NSMF: variants seen among roughly 807,000 people sequenced by gnomAD.
NSMF encodes the protein nasal embryonic LHRH factor.
In NSMF, 31 loss-of-function variants were observed where a neutral mutation model predicts 71.0. That is an observed-to-expected ratio of 0.44 (90% confidence interval 0.33 to 0.59). NSMF has a LOEUF of 0.59. Ranked by LOEUF, NSMF falls within the 20% of genes least tolerant of loss-of-function variation. The probability of loss-of-function intolerance (pLI) is 0.04; values close to 1 mark genes in which losing one functional copy is unlikely to be tolerated. For missense variants in NSMF, 673 were observed against 740.5 expected (o/e 0.91, Z 1.06); for synonymous variants, 345 against 287.1 (o/e 1.20, Z -2.04).
chr9:137,458,451 G>C (rs1463532396), intron 2 of NSMF, 37 bp downstream of exon 2: 1 of 1,537,248 alleles, frequency 6.5e-7, no homozygotes, highest in Non-Finnish European at 8.8e-7. Context: ...GGGCTGGGGG[G>C]TCTGGGCGGC....
intron 3 of NSMF, among the ~76,000 whole-genome samples, chr9:137,457,164 G>A (rs560669684): frequency 6.6e-6 from 1 of 152,294 alleles, no homozygotes; most frequent in Admixed American, 6.5e-5. Flanking sequence ...GATTGACCTG[G>A]TGCTAGCAGG....
Position 137,452,584 on chromosome 9 carries a change from G to A in NSMF, c.1134C>T (p.Asp378=), listed in dbSNP as rs1308658893. ...TGTCCTCGAAGGTTGCGTGCTCATG[G>A]TCCTGGGGACAGACACAGGCCACAA... ...DDPSIIPILY[D]HEHATFEDIL... Residue 378 remains aspartate (D), a splice_region_variant and synonymous_variant, in exon 11 of 16, where the codon GAC becomes GAT. Transcript: ENST00000371475. 6.2e-7 allele frequency: 1 copy of A among 1,612,698 alleles called. No individual in the cohort carries two copies.
intron 4 of NSMF, among the ~76,000 whole-genome samples, chr9:137,456,166 T>C (rs1172688841): frequency 6.8e-6 from 1 of 147,276 alleles, no homozygotes; most frequent in Non-Finnish European, 1.5e-5. Context: ...TGAGAGCTCA[T>C]CAGCTGCAGC....
At chr9:137,458,436 C>G in intron 2 of NSMF, 52 bp downstream of exon 2, 1 of 1,474,980 alleles carries the variant, frequency 6.8e-7, no homozygotes, top group Admixed American at 1.9e-5. Flanking sequence ...GGATCAGCAT[C>G]CCTTGGGCTG....
chr9:137,452,634 C>G lies in NSMF; in HGVS notation c.1132-48G>C, dbSNP rs1270032522. The G allele has an allele frequency of 1.9e-6, 3 of 1,611,438 alleles. No homozygotes were observed. The South Asian group carries it at 3.3e-5, about 18-fold the overall frequency. On this transcript the variant is annotated intron_variant, in intron 10 of 15. Coordinates refer to ENST00000371475, the MANE Select transcript of NSMF (RefSeq NM_001130969.3). ...AGGCCACATCAAGGCTGCGTCAGAG[C>G]CAGCAGCGCCACAGCACCCTGGGGA... is the stretch of plus-strand genomic sequence containing the variant.
At chr9:137,458,979 G>A (rs1831033272) in intron 1 of NSMF, 53 bp downstream of exon 1, 5 of 1,237,892 alleles carry the variant, frequency 4.0e-6, no homozygotes, top group Non-Finnish European at 5.1e-6. Context: ...GCGGACTCGG[G>A]CGGGGTCGGA....
rs371651039 is a variant in NSMF, at chr9:137,455,661, G to A, written c.705-27C>T. On this transcript the variant is annotated intron_variant, in intron 4 of 15. Coordinates refer to ENST00000371475, the MANE Select transcript of NSMF (RefSeq NM_001130969.3). ...TGAAGCCAGGGCCAGAAGGGATGGC[G>A]TGAGAGAGAAGACACAGTGAGCTCA... 92 of 1,550,200 alleles carry A rather than the reference G, an allele frequency of 5.9e-5. 1 individual carries two copies. Among genetic ancestry groups the A allele is most frequent in the African/African-American group, 1.2e-4 (9 of 73,062 alleles).
chr9:137,458,232 G>T (rs1409994756), intron 2 of NSMF, among the ~76,000 whole-genome samples: 5 of 152,210 alleles, frequency 3.3e-5, no homozygotes, highest in Non-Finnish European at 5.9e-5. Context: ...AGAGGCAGTG[G>T]TGCCAGCCCT....
rs1046041049 is a variant in NSMF, at chr9:137,449,258, G to C, written c.*136C>G. 95 of 742,592 alleles carry C rather than the reference G, an allele frequency of 1.3e-4. 1 individual carries two copies. The Admixed American group carries it at 1.9e-3, about 15-fold the overall frequency. The allele number at this position is 742,592 out of a possible 1,614,324, so 46.0% of individuals were successfully genotyped here. ...ACCGGAACCCACAGGGGGAACCTGA[G>C]CAACGTCTGAGGTGCCCTGAAGTGG... On this transcript the variant is annotated 3_prime_UTR_variant, in exon 16 of 16. Transcript: ENST00000371475.
chr9:137,455,693 G>T (rs1830798585), intron 4 of NSMF, 59 bp from the exon 5 acceptor site: 2 of 1,546,686 alleles, frequency 1.3e-6, no homozygotes, highest in Non-Finnish European at 1.7e-6. Context: ...CTCAACCCCG[G>T]GCCTCCCCTC....
Position 137,453,855 on chromosome 9 carries a change from G to C in NSMF, c.833-35C>G, listed in dbSNP as rs556837948. ...GCAAAACCCGCATTAGCGAGCGGGT[G>C]GGGCGGGGCCTCGGGAGTCTCAGAC... On this transcript the variant is annotated intron_variant, in intron 7 of 15. Transcript: ENST00000371475. The surrounding 1 kb of genome is among the most constrained non-coding windows in gnomAD (Gnocchi z 4.5). 6.5e-7 allele frequency: 1 copy of C among 1,536,948 alleles called. No homozygotes were observed. The highest frequency in any genetic ancestry group is 1.4e-5 in the African/African-American group (1 of 73,554).
chr9:137,452,871 G>A (rs749748613), intron 9 of NSMF, 52 bp from the exon 10 acceptor site: 5 of 1,562,702 alleles, frequency 3.2e-6, no homozygotes, highest in Non-Finnish European at 4.4e-6. Context: ...AAAAGCCAAG[G>A]GGCTGTGGGA....
chr9:137,459,079 C>T lies in NSMF; in HGVS notation c.24G>A (p.Arg8=), dbSNP rs1173328789. 7.9e-7 allele frequency: 1 copy of T among 1,266,136 alleles called. No homozygotes were observed. The highest frequency in any genetic ancestry group is 1.0e-6 in the Non-Finnish European group (1 of 1,002,206). 78.4% of individuals were successfully genotyped at this position (1,266,136 alleles called of 1,614,324 possible). ...ACATGGCCTCGCTCCTCAGCGCCCTCCTCCTGGAGGCGGCGGCGCCCATGG... is the reference window on the plus strand; with the variant it reads ...ACATGGCCTCGCTCCTCAGCGCCCTTCTCCTGGAGGCGGCGGCGCCCATGG... The part of the protein sequence containing the change: MGAAASR[R]RALRSEAMSS... The change falls in exon 1 of 16, where the codon AGG becomes AGA. Residue 8 remains arginine (R), a synonymous_variant. Transcript: ENST00000371475.
Position 137,455,610 on chromosome 9 carries a change from A to C in NSMF, c.710+19T>G, listed in dbSNP as rs536284925. The C allele has an allele frequency of 1.0e-5, 16 of 1,550,302 alleles. No individual in the cohort carries two copies. In the South Asian group the frequency reaches 1.5e-4, roughly 15 times the overall value. Reference sequence around the variant, plus strand: ...GACAACAGCTGTGCCCTTAGGCACCAAGTCATACAGGTACTTACGAGATGC... The same window carrying C: ...GACAACAGCTGTGCCCTTAGGCACCCAGTCATACAGGTACTTACGAGATGC... On this transcript the variant is annotated intron_variant, in intron 5 of 15. Coordinates refer to ENST00000371475, the MANE Select transcript of NSMF (RefSeq NM_001130969.3).
At chr9:137,450,449 C>CAT (rs1381665597) in intron 12 of NSMF, among the ~76,000 whole-genome samples, 194 bp from the exon 13 acceptor site, 1 of 95,378 alleles carries the variant, frequency 1.0e-5, no homozygotes, top group Non-Finnish European at 2.1e-5. Flanking sequence ...CTCCCCCCCA[C>CAT]GCCTCTTCCC....
intron 6 of NSMF, chr9:137,455,030 C>T (rs751194954): frequency 8.2e-6 from 6 of 731,336 alleles, no homozygotes; most frequent in Non-Finnish European, 1.5e-5. Context: ...GACAGAGACA[C>T]GTGCCCTCGG....
At position 137,452,829 on chromosome 9, in the gene NSMF, C is replaced by T; in HGVS notation, c.1048-10G>A. ...CCTTGGAGGAAATGAGCTGCGGAGA[C>T]AAAGAGCTGCTCAGGGGCCCCAGGC... On this transcript the variant is annotated splice_polypyrimidine_tract_variant and intron_variant, in intron 9 of 15. Transcript: ENST00000371475. The T allele has an allele frequency of 1.3e-6, 2 of 1,594,418 alleles. No individual in the cohort carries two copies. The highest frequency in any genetic ancestry group is 1.7e-6 in the Non-Finnish European group (2 of 1,171,888).
intron 5 of NSMF, 85 bp from the exon 6 acceptor site, chr9:137,455,392 C>T: frequency 6.7e-7 from 1 of 1,489,400 alleles, no homozygotes; most frequent in Non-Finnish European, 9.3e-7. Flanking sequence ...AGCAGAGGGC[C>T]CAGCAGGGCG....
chr9:137,449,748 G>C (rs1839818497), intron 14 of NSMF, 74 bp from the exon 15 acceptor site: 12 of 1,428,858 alleles, frequency 8.4e-6, no homozygotes, highest in Non-Finnish European at 1.2e-5. Context: ...ATGGGGAGCA[G>C]GGCCCACCCT....
Sources: allele counts gnomAD v4.1 joint callset (sites outside exome capture counted in the v4.1 genomes callset), GRCh38; gene constraint gnomAD v4.1.1; non-coding constraint Gnocchi (gnomAD v3.1); transcripts MANE v1.5; gene names NCBI Gene and HGNC (gene_info 2026-07-23, HGNC 2026-07-21).